The following ZNF277 variants were observed in gnomAD, a reference collection of about 807,000 sequenced individuals.
ZNF277 encodes the protein nuclear receptor-interacting factor 4.
In ZNF277, 55 loss-of-function variants were observed where a neutral mutation model predicts 60.7. The ratio of observed to expected loss-of-function variants is 0.91; its 90% CI spans 0.73 to 1.13. ZNF277 has a LOEUF of 1.13. Among genes scored for constraint, ZNF277 ranks in the 50% most tolerant of loss-of-function variants. ZNF277 has a pLI of 0.00. For missense variants in ZNF277, 510 were observed against 523.0 expected (o/e 0.98, Z 0.24); for synonymous variants, 178 against 179.3 (o/e 0.99, Z 0.06).
At position 112,242,557 on chromosome 7, in the gene ZNF277, C is replaced by CA. The variant is rs34058145; in HGVS notation, c.91+35766dup. ...AGTCAATCCCATTTATAATAGCTACCAAAAAAAAAAAAAAAACAAAATAAA... is the reference window on the plus strand; with the variant it reads ...AGTCAATCCCATTTATAATAGCTACCAAAAAAAAAAAAAAAAACAAAATAAA... On this transcript the variant is annotated intron_variant, in intron 1 of 11. Coordinates refer to ENST00000361822, the MANE Select transcript of ZNF277 (RefSeq NM_021994.3). Among the ~76,000 whole-genome samples the CA allele has an allele frequency of 6.2e-3, 617 of 99,460 alleles. 5 individuals carry two copies. The highest frequency in any genetic ancestry group is 0.014 in the African/African-American group (420 of 29,958). The allele number at this position is 99,460 out of a possible 152,430, so 65.2% of individuals were successfully genotyped here.
intron 1 of ZNF277, among the ~76,000 whole-genome samples, chr7:112,256,364 G>C (rs1345504114): frequency 6.6e-6 from 1 of 151,354 alleles, no homozygotes; most frequent in East Asian, 1.9e-4. Flanking sequence ...CTTGAGGAAG[G>C]GTATGTTAGC....
chr7:112,299,466 A>G (rs1044417392), intron 4 of ZNF277, among the ~76,000 whole-genome samples: 2 of 152,162 alleles, frequency 1.3e-5, no homozygotes, highest in Admixed American at 6.5e-5. Flanking sequence ...CTTTCTCATC[A>G]TGCATTGGAA....
At chr7:112,250,029 C>A (rs181987874) in intron 1 of ZNF277, among the ~76,000 whole-genome samples, 195 of 152,066 alleles carry the variant, frequency 1.3e-3, no homozygotes, top group African/African-American at 4.4e-3. Flanking sequence ...GTGAGCCGGG[C>A]GGAACAGAGC....
At chr7:112,295,836 T>A in intron 2 of ZNF277, 33 bp from the exon 3 acceptor site, 1 of 1,513,076 alleles carries the variant, frequency 6.6e-7, no homozygotes, top group Non-Finnish European at 9.2e-7. Context: ...ATATTGAATC[T>A]TCTCATCGTT....
chr7:112,288,287 A>G (rs1266789103), intron 2 of ZNF277: 1 of 152,220 alleles, frequency 6.6e-6, no homozygotes. Context: ...GTAAGGTCCC[A>G]TTTTGAGGTA....
intron 1 of ZNF277, among the ~76,000 whole-genome samples, chr7:112,259,729 G>A (rs1298155247): frequency 1.3e-5 from 2 of 152,164 alleles, no homozygotes; most frequent in Admixed American, 1.3e-4. Context: ...AGTTATAAAT[G>A]TGTTAATGCA....
chr7:112,327,873 G>A lies in ZNF277; in HGVS notation c.668+46G>A, dbSNP rs369791788. ...CACTGCCTAAAGCTGTTTTAATCTTGGACTCTGTTGTGAATATTTTTAAAT... is the reference window on the plus strand; with the variant it reads ...CACTGCCTAAAGCTGTTTTAATCTTAGACTCTGTTGTGAATATTTTTAAAT... On this transcript the variant is annotated intron_variant, in intron 6 of 11. Coordinates refer to ENST00000361822, the MANE Select transcript of ZNF277 (RefSeq NM_021994.3). 420 of 1,230,936 alleles carry A rather than the reference G, an allele frequency of 3.4e-4. 6 individuals carry two copies. The East Asian group carries it at 0.011, about 31-fold the overall frequency. 76.3% of individuals were successfully genotyped at this position (1,230,936 alleles called of 1,614,324 possible). A position where few individuals can be genotyped will look rare whatever the true frequency, so the allele number is the denominator to read the frequency against.
chr7:112,237,625 A>C (rs1464643172), intron 1 of ZNF277, among the ~76,000 whole-genome samples: 2 of 152,140 alleles, frequency 1.3e-5, no homozygotes, highest in East Asian at 3.8e-4. Context: ...TTCTAAAAAC[A>C]TACAACCTCC....
chr7:112,296,920 T>TTTTTTTA, intron 4 of ZNF277, among the ~76,000 whole-genome samples: 1 of 37,444 alleles, frequency 2.7e-5, no homozygotes, highest in South Asian at 9.4e-4. Context: ...TTATTTTTTT[T>TTTTTTTA]TTTTTTTTTT....
chr7:112,337,445 G>A (rs1438478468), intron 8 of ZNF277, among the ~76,000 whole-genome samples: 2 of 152,144 alleles, frequency 1.3e-5, no homozygotes, highest in Non-Finnish European at 2.9e-5. Context: ...GTCTCAGGAC[G>A]ACATTCCTCT....
chr7:112,339,738 C>A, intron 9 of ZNF277, 105 bp from the exon 10 acceptor site: 1 of 1,143,698 alleles, frequency 8.7e-7, no homozygotes, highest in Non-Finnish European at 1.3e-6. Flanking sequence ...CGAACTCAGA[C>A]TGAGTTTCTA....
At chr7:112,285,824 A>C (rs1161155942) in intron 1 of ZNF277, among the ~76,000 whole-genome samples, 1 of 152,140 alleles carries the variant, frequency 6.6e-6, no homozygotes, top group Non-Finnish European at 1.5e-5. Flanking sequence ...AAAGTAAGGG[A>C]AAAAAATAGG....
intron 7 of ZNF277, 131 bp downstream of exon 7, chr7:112,330,347 G>A: frequency 1.2e-6 from 1 of 829,354 alleles, no homozygotes; most frequent in Non-Finnish European, 1.9e-6. Context: ...CATTCAAGTA[G>A]TGATTAGCTT....
At chr7:112,325,193 C>A (rs1354194326) in intron 5 of ZNF277, among the ~76,000 whole-genome samples, 3 of 152,138 alleles carry the variant, frequency 2.0e-5, no homozygotes, top group African/African-American at 7.2e-5. Flanking sequence ...TACCTGGCCC[C>A]CTTTTCAGAG....
chr7:112,218,858 G>A (rs1342002567), intron 1 of ZNF277, among the ~76,000 whole-genome samples: 5 of 152,082 alleles, frequency 3.3e-5, no homozygotes, highest in Non-Finnish European at 1.5e-5. Context: ...TTCTTTATCT[G>A]TTCATCCATT....
chr7:112,224,842 C>A (rs1177733524), intron 1 of ZNF277, among the ~76,000 whole-genome samples: 1 of 151,984 alleles, frequency 6.6e-6, no homozygotes, highest in Non-Finnish European at 1.5e-5. Context: ...TATTAAAAGT[C>A]CTGAAAAAAA....
intron 1 of ZNF277, among the ~76,000 whole-genome samples, chr7:112,280,234 TC>T (rs146088496): frequency 0.015 from 2,329 of 152,188 alleles, 67 homozygotes; most frequent in African/African-American, 0.053. Context: ...TGAATCAGGA[TC>T]TGCATTTTAA....
chr7:112,305,764 C>G (rs1792574325), intron 4 of ZNF277, among the ~76,000 whole-genome samples: 1 of 152,022 alleles, frequency 6.6e-6, no homozygotes. Context: ...TCTGGTCCCT[C>G]TTTTTAATTA....
chr7:112,338,801 G>A (rs1447825518), intron 9 of ZNF277, among the ~76,000 whole-genome samples: 1 of 152,186 alleles, frequency 6.6e-6, no homozygotes, highest in Non-Finnish European at 1.5e-5. Flanking sequence ...CCTATCCTGT[G>A]TAAGGATTAC....
Sources: gnomAD v4.1 joint callset for allele counts (sites outside exome capture counted in the v4.1 genomes callset) on GRCh38, gnomAD v4.1.1 for gene constraint, MANE v1.5 for transcripts, NCBI Gene and HGNC (gene_info 2026-07-23, HGNC 2026-07-21) for gene names.